Variants in CBFB observed in about 807,000 individuals in gnomAD.
The protein encoded by CBFB is core-binding factor subunit beta, also known as CBF-beta.
Under a neutral mutation model 30.4 loss-of-function variants are expected in CBFB, and 9 were observed. The observed-to-expected ratio is 0.30, with a 90% CI of 0.18 to 0.52. The LOEUF (loss-of-function observed/expected upper bound fraction) is 0.52. CBFB is among the 20% of genes least tolerant of loss of function. The pLI is 0.97. For missense variants in CBFB, 170 were observed against 244.0 expected (o/e 0.70, Z 2.02); for synonymous variants, 94 against 84.0 (o/e 1.12, Z -0.65).
chr16:67,030,864 G>A (rs1966329855), intron 2 of CBFB, among the ~76,000 whole-genome samples: 4 of 152,196 alleles, frequency 2.6e-5, no homozygotes, highest in African/African-American at 9.7e-5. Flanking sequence ...AGAGTGCTGG[G>A]ATTACAGGCG....
At chr16:67,068,172 C>T (rs888032070) in intron 4 of CBFB, among the ~76,000 whole-genome samples, 2 of 152,130 alleles carry the variant, frequency 1.3e-5, no homozygotes, top group Non-Finnish European at 2.9e-5. Flanking sequence ...GAACAACCCC[C>T]CAGAAAGCAA....
At chr16:67,081,896 C>T (rs1170385443) in intron 4 of CBFB, among the ~76,000 whole-genome samples, 1 of 149,978 alleles carries the variant, frequency 6.7e-6, no homozygotes, top group Non-Finnish European at 1.5e-5. Flanking sequence ...TCTCGGCTCA[C>T]TGCAACCTTC....
intron 3 of CBFB, among the ~76,000 whole-genome samples, chr16:67,058,029 A>G (rs1281249323): frequency 2.0e-5 from 3 of 152,222 alleles, no homozygotes; most frequent in Non-Finnish European, 4.4e-5. Context: ...TTGATATTTC[A>G]GATATTTCAT....
chr16:67,066,565 ATCAG>A (rs1180155768), intron 3 of CBFB, 113 bp from the exon 4 acceptor site: 5 of 540,514 alleles, frequency 9.3e-6, no homozygotes, highest in Middle Eastern at 5.7e-4. Flanking sequence ...ATCTCAATCA[ATCAG>A]TCAATCATAA....
intron 5 of CBFB, among the ~76,000 whole-genome samples, chr16:67,091,785 G>A (rs1961889254): frequency 6.6e-6 from 1 of 152,060 alleles, no homozygotes; most frequent in Admixed American, 6.5e-5. Context: ...GAATGTGCAG[G>A]TTTGTTACAT....
chr16:67,099,168 T>A lies in CBFB; in HGVS notation c.*390T>A, dbSNP rs2145791598. On this transcript the variant is annotated 3_prime_UTR_variant, in exon 6 of 6. Transcript: ENST00000412916. ...GTTTTCTCTAATCATTTTTTCTATT[T>A]TTTTTTTTGTACTTCTAGATGTTTT... is the stretch of plus-strand genomic sequence containing the variant. The A allele has an allele frequency of 4.1e-6, 1 of 241,076 alleles. No homozygotes were observed. The highest frequency in any genetic ancestry group is 6.0e-5 in the East Asian group (1 of 16,662). 14.9% of individuals were successfully genotyped at this position (241,076 alleles called of 1,614,324 possible).
chr16:67,089,361 A>T (rs558498911), intron 5 of CBFB, among the ~76,000 whole-genome samples: 2 of 152,280 alleles, frequency 1.3e-5, no homozygotes, highest in East Asian at 3.9e-4. Context: ...ACTAGAAACT[A>T]TGGGGGAGAA....
intron 3 of CBFB, among the ~76,000 whole-genome samples, chr16:67,054,193 T>C (rs974946990): frequency 2.6e-5 from 4 of 152,172 alleles, no homozygotes; most frequent in Non-Finnish European, 4.4e-5. Flanking sequence ...GTTTACGGTC[T>C]CTTTGTGGAT....
At chr16:67,082,442 C>G (rs1458015221) in intron 5 of CBFB, 134 bp downstream of exon 5, 1 of 1,083,190 alleles carries the variant, frequency 9.2e-7, no homozygotes, top group Non-Finnish European at 1.3e-6. Context: ...GTTGTACTCT[C>G]TGGCTTTGTG....
chr16:67,040,351 A>G (rs896084297), intron 3 of CBFB, among the ~76,000 whole-genome samples: 3 of 152,222 alleles, frequency 2.0e-5, no homozygotes, highest in African/African-American at 7.2e-5. Flanking sequence ...CGTCCTGTTC[A>G]TACGCAGTTT....
chr16:67,029,973 C>CG (rs1383358204), intron 2 of CBFB, 160 bp downstream of exon 2: 11 of 483,788 alleles, frequency 2.3e-5, no homozygotes, highest in Admixed American at 9.0e-5. Flanking sequence ...CCAGATGCCG[C>CG]GGGCCGGTAC....
At chr16:67,077,234 G>A (rs1351769576) in intron 4 of CBFB, among the ~76,000 whole-genome samples, 3 of 152,060 alleles carry the variant, frequency 2.0e-5, no homozygotes, top group Non-Finnish European at 4.4e-5. Context: ...TCAGTATAAT[G>A]ACCTTGCAAA....
chr16:67,039,179 A>G (rs1413651159), intron 3 of CBFB, among the ~76,000 whole-genome samples: 1 of 152,178 alleles, frequency 6.6e-6, no homozygotes, highest in Non-Finnish European at 1.5e-5. Flanking sequence ...GCTATCTGGT[A>G]TAGTCTGTTG....
At chr16:67,096,778 T>C (rs1962058729) in intron 5 of CBFB, among the ~76,000 whole-genome samples, 2 of 150,770 alleles carry the variant, frequency 1.3e-5, no homozygotes, top group South Asian at 4.2e-4. Context: ...ATTGAGACCA[T>C]CCTGGCTAAC....
At chr16:67,085,137 A>G (rs1325070440) in intron 5 of CBFB, among the ~76,000 whole-genome samples, 8 of 150,644 alleles carry the variant, frequency 5.3e-5, no homozygotes, top group South Asian at 4.2e-4. Context: ...AGTGTATGAA[A>G]TAAATTGTGT....
chr16:67,075,374 A>T (rs1961365244), intron 4 of CBFB, among the ~76,000 whole-genome samples: 1 of 152,204 alleles, frequency 6.6e-6, no homozygotes, highest in Non-Finnish European at 1.5e-5. Context: ...TTCTTGGATC[A>T]TCAGAAAAAT....
intron 5 of CBFB, among the ~76,000 whole-genome samples, chr16:67,085,787 T>G (rs1256054475): frequency 6.6e-6 from 1 of 151,326 alleles, no homozygotes; most frequent in Non-Finnish European, 1.5e-5. Context: ...AAGCCATTCT[T>G]CTGCCTCAGC....
chr16:67,092,698 CTTTTTTTTTTT>C (rs777213321), intron 5 of CBFB, among the ~76,000 whole-genome samples: 17 of 33,530 alleles, frequency 5.1e-4, no homozygotes, highest in East Asian at 1.2e-3. Context: ...GTGGTGCAAT[CTTTTTTTTTTT>C]TTTTTTTTTT....
At position 67,081,885 on chromosome 16, in the gene CBFB, A is replaced by G. The variant is rs370824955; in HGVS notation, c.400-328A>G. Among the ~76,000 whole-genome samples, 10 of 149,742 alleles carry G rather than the reference A, an allele frequency of 6.7e-5. No individual in the cohort carries two copies. In the East Asian group the frequency reaches 1.2e-3, roughly 18 times the overall value. The stretch of plus-strand genomic sequence containing the variant: ...AGACAGGCTGGAGTGCAATGGCGCA[A>G]TCTCGGCTCACTGCAACCTTCACCT... On this transcript the variant is annotated intron_variant, in intron 4 of 5. Transcript: ENST00000412916.
Sources: gnomAD v4.1 joint callset for allele counts (sites outside exome capture counted in the v4.1 genomes callset) on GRCh38, gnomAD v4.1.1 for gene constraint, MANE v1.5 for transcripts, NCBI Gene and HGNC (gene_info 2026-07-23, HGNC 2026-07-21) for gene names.